The following PAK3 variants were observed in gnomAD, a reference collection of about 807,000 sequenced individuals.
PAK3 encodes the protein serine/threonine-protein kinase PAK 3.
PAK3 carries 4 observed loss-of-function variants against 41.0 expected under a neutral mutation model. The ratio of observed to expected loss-of-function variants is 0.10; its 90% confidence interval spans 0.05 to 0.22. The LOEUF (loss-of-function observed/expected upper bound fraction) is 0.22, where lower values mean the gene tolerates loss of function less well. PAK3 is among the 10% of genes least tolerant of loss of function. The pLI, the probability that PAK3 is intolerant of heterozygous loss-of-function variation, is 1.00. For missense variants in PAK3, 205 were observed against 409.9 expected, an observed-to-expected ratio of 0.50 and a Z score of 4.32; for synonymous variants, 146 against 139.6, an observed-to-expected ratio of 1.05 and a Z score of -0.32.
intron 5 of PAK3, among the ~76,000 whole-genome samples, chrX:111,140,611 A>T (rs891488644): frequency 1.3e-4 from 14 of 111,867 alleles, no homozygotes; most frequent in African/African-American, 4.5e-4. Context: ...TCACTGTAAA[A>T]ATGGAATCTG....
intron 1 of PAK3, among the ~76,000 whole-genome samples, chrX:111,032,482 G>C (rs1190531906): frequency 8.9e-6 from 1 of 111,848 alleles, no homozygotes; most frequent in Non-Finnish European, 1.9e-5. Context: ...GGGACAGCCA[G>C]AAATTGCGAT....
At chrX:111,158,556 G>T (rs1443909794) in intron 8 of PAK3, among the ~76,000 whole-genome samples, 3 of 111,488 alleles carry the variant, frequency 2.7e-5, no homozygotes, top group African/African-American at 6.5e-5. Flanking sequence ...TTGGTGGATT[G>T]CTGGGGATTT....
chrX:110,953,134 A>G (rs987017617), intron 1 of PAK3, among the ~76,000 whole-genome samples: 4 of 112,039 alleles, frequency 3.6e-5, no homozygotes, highest in African/African-American at 1.3e-4. Context: ...CAAAGGTAAC[A>G]TTGTTTTTTT....
At chrX:111,094,693 T>G (rs1211690148), upstream of PAK3, among the ~76,000 whole-genome samples, 1 of 98,660 alleles carries the variant, frequency 1.0e-5, no homozygotes, top group Non-Finnish European at 2.0e-5. Flanking sequence ...TTTTTTTTTT[T>G]TTTTTTTTTT....
At chrX:110,989,749 G>A (rs762360164) in intron 1 of PAK3, among the ~76,000 whole-genome samples, 4 of 111,633 alleles carry the variant, frequency 3.6e-5, no homozygotes, top group South Asian at 7.6e-4. Flanking sequence ...CTCGAACCCA[G>A]CTTTCCTGCC....
intron 1 of PAK3, among the ~76,000 whole-genome samples, chrX:111,060,588 T>A (rs1336338914): frequency 9.0e-6 from 1 of 111,675 alleles, no homozygotes; most frequent in African/African-American, 3.3e-5. Flanking sequence ...GATATTTTTA[T>A]ATAAGTGTGT....
chrX:111,153,924 A>C (rs1275392220), intron 8 of PAK3, among the ~76,000 whole-genome samples: 1 of 112,053 alleles, frequency 8.9e-6, no homozygotes, highest in African/African-American at 3.2e-5. Context: ...AGGGGTAAAC[A>C]AAAGATGGTA....
At chrX:111,137,950 C>T (rs1227092773) in intron 5 of PAK3, among the ~76,000 whole-genome samples, 1 of 111,127 alleles carries the variant, frequency 9.0e-6, no homozygotes, top group Non-Finnish European at 1.9e-5. Flanking sequence ...GTGATACAGA[C>T]ATTTTAGTGT....
rs755915043 is a variant in PAK3 at position 111,210,279 on chromosome X, A to C, written c.1408-6142A>C. Among the ~76,000 whole-genome samples, 5 of 112,139 alleles carry C rather than the reference A, an allele frequency of 4.5e-5. 1 individual carries two copies. In the South Asian group the frequency reaches 1.9e-3, roughly 42 times the overall value. ...TGTTCAAGAACAGCCAGAGAGAATA[A>C]GTTTCTGAACTATGTTTCAAGTTCC... On this transcript the variant is annotated intron_variant, in intron 16 of 17. Transcript: ENST00000372007.
intron 1 of PAK3, among the ~76,000 whole-genome samples, chrX:111,076,846 T>C (rs1287476999): frequency 1.8e-5 from 2 of 111,619 alleles, no homozygotes; most frequent in African/African-American, 6.5e-5. Context: ...GAGAAAGAAA[T>C]AAAAGGCATC....
chrX:111,073,722 C>T (rs1034243178), intron 1 of PAK3, among the ~76,000 whole-genome samples: 2 of 111,569 alleles, frequency 1.8e-5, no homozygotes, highest in African/African-American at 3.3e-5. Flanking sequence ...TAAATAGTCC[C>T]ACATCAAGGA....
rs1356696142 is a variant in PAK3 at position 111,145,072 on chromosome X, C to T, written c.277-2665C>T. The T allele has an allele frequency of 2.3e-5, 8 of 343,772 alleles. No individual in the cohort carries two copies. In the East Asian group the frequency reaches 3.7e-4, roughly 16 times the overall value. The allele number at this position is 343,772 out of a possible 1,213,427, so 28.3% of individuals were successfully genotyped here. On this transcript the variant is annotated intron_variant, in intron 6 of 17. Transcript: ENST00000372007. ...ATACACAGTCAGACATTGATATGTG[C>T]TCCTGCTTCTGATGCTCAAACTCCT...
In PAK3 at chrX:111,172,729, T is replaced by A. The variant is rs968861331; in HGVS notation, c.767-289T>A. Among the ~76,000 whole-genome samples the A allele has an allele frequency of 2.7e-5, 3 of 110,726 alleles. 1 individual carries two copies. In the Admixed American group the frequency reaches 2.9e-4, roughly 11 times the overall value. The stretch of plus-strand genomic sequence containing the variant: ...TTTATAGATGTTGGGTTGTGACAAG[T>A]TTTTTTTGTTTTCCAAATATCAGTA... On this transcript the variant is annotated intron_variant, in intron 10 of 17. Coordinates refer to ENST00000372007, the MANE Select transcript of PAK3 (RefSeq NM_002578.5).
intron 1 of PAK3, among the ~76,000 whole-genome samples, chrX:111,016,777 GAGA>G (rs1161174953): frequency 9.6e-6 from 1 of 104,195 alleles, no homozygotes; most frequent in African/African-American, 3.5e-5. Context: ...GGAGGGAGGG[GAGA>G]AGAAGAGAGG....
At chrX:111,024,342 G>C (rs1283768165) in intron 1 of PAK3, among the ~76,000 whole-genome samples, 1 of 111,413 alleles carries the variant, frequency 9.0e-6, no homozygotes, top group Non-Finnish European at 1.9e-5. Context: ...CTCCAGCTTT[G>C]TTCTTTTTGC....
At chrX:111,208,818 G>T (rs2094785279) in intron 16 of PAK3, among the ~76,000 whole-genome samples, 1 of 111,669 alleles carries the variant, frequency 9.0e-6, no homozygotes, top group African/African-American at 3.3e-5. Context: ...ATCCAGAGAT[G>T]ATTTAAAGTA....
intron 13 of PAK3, among the ~76,000 whole-genome samples, chrX:111,193,728 CTG>C (rs1569457653): frequency 9.2e-6 from 1 of 108,714 alleles, no homozygotes; most frequent in African/African-American, 3.4e-5. Context: ...TAAAGTCATT[CTG>C]TGTTTGTAAT....
chrX:111,183,428 A>G (rs1297203602), intron 11 of PAK3, among the ~76,000 whole-genome samples: 1 of 111,471 alleles, frequency 9.0e-6, no homozygotes, highest in Non-Finnish European at 1.9e-5. Context: ...TAAAACCTTA[A>G]TGGGAATTTT....
intron 1 of PAK3, among the ~76,000 whole-genome samples, chrX:111,086,925 A>C (rs963031676): frequency 2.2e-4 from 25 of 111,960 alleles, no homozygotes; most frequent in African/African-American, 7.8e-4. Context: ...GACTATAATT[A>C]GCATATTGGT....
Sources: allele counts gnomAD v4.1 joint callset (sites outside exome capture counted in the v4.1 genomes callset), GRCh38; gene constraint gnomAD v4.1.1; transcripts MANE v1.5; gene names NCBI Gene and HGNC (gene_info 2026-07-23, HGNC 2026-07-21).